Variants in ZFP28 observed in about 807,000 individuals in gnomAD.
ZFP28 encodes ZFP28 zinc finger protein.
In ZFP28, 31 loss-of-function variants were observed where a neutral mutation model predicts 39.5. The ratio of observed to expected loss-of-function variants is 0.79; its 90% CI spans 0.59 to 1.06. The LOEUF (loss-of-function observed/expected upper bound fraction) is 1.06, where lower values mean the gene tolerates loss of function less well. Ranked by LOEUF, ZFP28 falls within the 50% of genes least tolerant of loss-of-function variation. ZFP28 has a pLI of 0.00. For synonymous variants in ZFP28, 400 were observed against 378.6 expected (o/e 1.06, Z -0.66); for missense variants, 925 against 1,048.4 (o/e 0.88, Z 1.63).
At chr19:56,540,634 A>G (rs1311204234) in intron 2 of ZFP28, among the ~76,000 whole-genome samples, 2 of 152,238 alleles carry the variant, frequency 1.3e-5, no homozygotes, top group Non-Finnish European at 2.9e-5. Context: ...GAGGCTGGCA[A>G]ACTTGTGCTG....
intron 2 of ZFP28, among the ~76,000 whole-genome samples, chr19:56,542,704 A>C (rs1017984617): frequency 3.3e-5 from 5 of 152,322 alleles, no homozygotes; most frequent in Admixed American, 1.3e-4. Context: ...TTTGATATTT[A>C]GTATAGTGTT....
intron 1 of ZFP28, 50 bp downstream of exon 1, chr19:56,539,276 C>A: frequency 6.6e-7 from 1 of 1,525,728 alleles, no homozygotes; most frequent in Non-Finnish European, 8.8e-7. Context: ...GAATTCATCT[C>A]GGGATGAGAT....
Position 56,553,881 on chromosome 19 carries a change from A to G in ZFP28, c.1096A>G (p.Lys366Glu), listed in dbSNP as rs2044326410. ...CAGGCAAGAGCCAATTACTCATAAC[A>G]AAACCCTCTCTAAGGAAAGAGAACG... ...QFRQEPITHN[K>E]TLSKERERTY... Residue 366 changes from lysine to glutamate, a missense_variant, in exon 8 of 8, where the codon AAA (lysine) becomes GAA (glutamate). By Grantham distance (56) the Lys-to-Glu change is moderately conservative. Transcript: ENST00000301318. The G allele has an allele frequency of 1.2e-6, 2 of 1,614,178 alleles. No homozygotes were observed. The highest frequency in any genetic ancestry group is 1.7e-6 in the Non-Finnish European group (2 of 1,180,020).
chr19:56,548,385 A>G (rs557625187), intron 4 of ZFP28: 113 of 153,748 alleles, frequency 7.3e-4, no homozygotes, highest in African/African-American at 2.5e-3. Flanking sequence ...CAGATCATTC[A>G]TCTCTTCTTG....
In ZFP28 at chr19:56,555,583, G is replaced by A; in HGVS notation, c.*191G>A. ...TGAGATGTGCTCAGCACAGTGCCTGGTCCATAGTAAGTGCTCAGTAAACTT... is the reference window on the plus strand; with the variant it reads ...TGAGATGTGCTCAGCACAGTGCCTGATCCATAGTAAGTGCTCAGTAAACTT... On this transcript the variant is annotated 3_prime_UTR_variant, in exon 8 of 8. Coordinates refer to ENST00000301318, the MANE Select transcript of ZFP28 (RefSeq NM_020828.2). 1 of 744,090 alleles carries A rather than the reference G, an allele frequency of 1.3e-6. No homozygotes were observed. The highest frequency in any genetic ancestry group is 2.0e-6 in the Non-Finnish European group (1 of 488,926). 46.1% of individuals were successfully genotyped at this position (744,090 alleles called of 1,614,324 possible).
intron 6 of ZFP28, 32 bp downstream of exon 6, chr19:56,550,213 A>ATCG: frequency 6.4e-7 from 1 of 1,564,200 alleles, no homozygotes; most frequent in Non-Finnish European, 8.7e-7. Flanking sequence ...ATTTGAATCT[A>ATCG]TCGTCGGGTA....
At chr19:56,543,919 A>G (rs1729524406) in intron 2 of ZFP28, among the ~76,000 whole-genome samples, 1 of 152,232 alleles carries the variant, frequency 6.6e-6, no homozygotes, top group African/African-American at 2.4e-5. Flanking sequence ...AGAATGGCAA[A>G]GTGGTCAAAG....
rs754059979 is a variant in ZFP28, at chr19:56,555,200, A to T, written c.2415A>T (p.Arg805Ser). Residue 805 changes from arginine (R) to serine (S), a missense_variant, in exon 8 of 8, where the codon AGA becomes AGT. By Grantham distance (110) the Arg-to-Ser change is moderately radical (BLOSUM62 -1). Coordinates refer to ENST00000301318, the MANE Select transcript of ZFP28 (RefSeq NM_020828.2). Reference sequence around the variant, plus strand: ...TTGGACACCTTAATCAACATAAGAGAGTTCATACTGGAGAGAGATCTTATA... The same window carrying T: ...TTGGACACCTTAATCAACATAAGAGTGTTCATACTGGAGAGAGATCTTATA... ...IQIGHLNQHK[R>S]VHTGERSYNY... is the part of the protein sequence containing the mutation. The T allele has an allele frequency of 1.2e-6, 2 of 1,614,182 alleles. No individual in the cohort carries two copies. The highest frequency in any genetic ancestry group is 8.5e-7 in the Non-Finnish European group (1 of 1,180,030).
intron 2 of ZFP28, among the ~76,000 whole-genome samples, chr19:56,540,230 C>T (rs536235340): frequency 6.6e-6 from 1 of 152,294 alleles, no homozygotes; most frequent in African/African-American, 2.4e-5. Context: ...CCTCCTGTAG[C>T]GGAAGGGTAG....
chr19:56,549,812 T>C (rs1376571265), intron 5 of ZFP28, among the ~76,000 whole-genome samples: 2 of 151,442 alleles, frequency 1.3e-5, no homozygotes, highest in Non-Finnish European at 2.9e-5. Flanking sequence ...AGGTTCATAC[T>C]GTGTGTAAGT....
At chr19:56,537,051 AT>A (rs2044139325), upstream of ZFP28, among the ~76,000 whole-genome samples, 1 of 152,180 alleles carries the variant, frequency 6.6e-6, no homozygotes, top group Non-Finnish European at 1.5e-5. Context: ...CAGTAGCTTG[AT>A]TTACAGCAGG....
intron 2 of ZFP28, among the ~76,000 whole-genome samples, chr19:56,541,578 G>A (rs1422126439): frequency 6.6e-6 from 1 of 152,074 alleles, no homozygotes; most frequent in Non-Finnish European, 1.5e-5. Flanking sequence ...TACTGACCAG[G>A]CCCTACATGA....
chr19:56,543,382 A>G (rs953608545), intron 2 of ZFP28, among the ~76,000 whole-genome samples: 1 of 147,414 alleles, frequency 6.8e-6, no homozygotes, highest in East Asian at 2.0e-4. Flanking sequence ...TATGTATATT[A>G]TATATATATG....
At chr19:56,552,729 T>TA (rs1962108567) in intron 7 of ZFP28, 2 of 152,108 alleles carry the variant, frequency 1.3e-5, no homozygotes, top group African/African-American at 4.8e-5. Context: ...TCCTATCTCT[T>TA]AAAAAATGAA....
intron 2 of ZFP28, among the ~76,000 whole-genome samples, chr19:56,540,181 T>G (rs2147946895): frequency 6.6e-6 from 1 of 152,294 alleles, no homozygotes; most frequent in South Asian, 2.1e-4. Flanking sequence ...TTGGGCCAAG[T>G]ATTATGAGCG....
intron 7 of ZFP28, chr19:56,551,258 G>C (rs950155630): frequency 2.8e-5 from 28 of 986,382 alleles, no homozygotes; most frequent in Non-Finnish European, 7.2e-6. Context: ...TGATGCACAA[G>C]GGAAAGAAAG....
In ZFP28 at chr19:56,553,776, G is replaced by C. The variant is rs1486692893; in HGVS notation, c.991G>C (p.Asp331His). Residue 331 changes from aspartate to histidine, a missense_variant, in exon 8 of 8, where the codon GAT becomes CAT. Physicochemically the swap from Asp to His is moderately conservative, Grantham distance 81. Around this residue, in one of 2 missense-constraint regions of ZFP28, gnomAD observed 556 missense variants for 542.9 expected, o/e 1.02. Coordinates refer to ENST00000301318, the MANE Select transcript of ZFP28 (RefSeq NM_020828.2). ...AGACAGAACCTCAAACACTAAACTT[G>C]ATTGTTCCAGTTTCAGAGAAAATTG... The part of the protein sequence containing the change: ...VTDRTSNTKL[D>H]CSSFRENWDS... 1 of 1,614,090 alleles carries C rather than the reference G, an allele frequency of 6.2e-7. No homozygotes were observed.
At chr19:56,539,294 G>C in intron 1 of ZFP28, 68 bp downstream of exon 1, 1 of 1,466,326 alleles carries the variant, frequency 6.8e-7, no homozygotes, top group Non-Finnish European at 9.1e-7. Flanking sequence ...GATCTGGGAG[G>C]GGGTTGGGCT....
chr19:56,544,883 T>C (rs969572559), intron 2 of ZFP28: 5 of 152,338 alleles, frequency 3.3e-5, no homozygotes, highest in African/African-American at 9.6e-5. Context: ...TAGGAGGATA[T>C]ATGTATATTG....
Sources: allele counts gnomAD v4.1 joint callset (sites outside exome capture counted in the v4.1 genomes callset), GRCh38; gene constraint gnomAD v4.1.1; regional missense constraint gnomAD v4.1.1; transcripts MANE v1.5; gene names NCBI Gene and HGNC (gene_info 2026-07-23, HGNC 2026-07-21).